RPLP1: variants seen among roughly 807,000 people sequenced by gnomAD.
RPLP1 encodes ribosomal protein lateral stalk subunit P1.
Under a neutral mutation model 11.6 loss-of-function variants are expected in RPLP1, and 4 were observed. That is an observed-to-expected ratio of 0.34 (90% CI 0.17 to 0.79). RPLP1 has a LOEUF of 0.79. Among genes scored for constraint, RPLP1 ranks in the 30% least tolerant of loss-of-function variants. The pLI is 0.55. For missense variants in RPLP1, 133 were observed against 142.8 expected (o/e 0.93, Z 0.35); for synonymous variants, 54 against 52.2 (o/e 1.03, Z -0.15).
At chr15:69,453,126 G>T (rs1892376327) in intron 1 of RPLP1, 106 bp downstream of exon 1, 2 of 1,092,742 alleles carry the variant, frequency 1.8e-6, no homozygotes, top group African/African-American at 3.1e-5. Flanking sequence ...TTCCGGCCGG[G>T]GCCAGGCCGC....
At position 69,455,452 on chromosome 15, in the gene RPLP1, A is replaced by G. The variant is rs201272949; in HGVS notation, c.290A>G (p.Lys97Arg). ...GCTGAGGAGAAGAAAGTGGAAGCAA[A>G]GAAAGAAGAATCCGAGGAGTCTGAT... ...APAEEKKVEAKKEESEESDDD... is the reference protein window; with the variant it reads ...APAEEKKVEARKEESEESDDD... The change falls in exon 4 of 4, where the codon AAG becomes AGG. Residue 97 changes from lysine to arginine, a missense_variant. Physicochemically the swap from Lys to Arg is conservative, Grantham distance 26. Coordinates refer to ENST00000260379, the MANE Select transcript of RPLP1 (RefSeq NM_001003.3). 6.2e-6 allele frequency: 10 copies of G among 1,611,972 alleles called. No individual in the cohort carries two copies. The highest frequency in any genetic ancestry group is 7.6e-6 in the Non-Finnish European group (9 of 1,179,718).
In RPLP1 at chr15:69,452,990, C is replaced by T. The variant is rs1251540738; in HGVS notation, c.42C>T (p.Leu14=). 5 of 1,577,246 alleles carry T rather than the reference C, an allele frequency of 3.2e-6. No homozygotes were observed. Among genetic ancestry groups the T allele is most frequent in the Non-Finnish European group, 4.3e-6 (5 of 1,163,738 alleles). ...VSELACIYSA[L]ILHDDEVTVT... is the part of the protein sequence containing the mutation. The stretch of plus-strand genomic sequence containing the variant: ...AGCTCGCCTGCATCTACTCGGCCCT[C>T]ATTCTGCACGACGATGAGGTGACAG... The change falls in exon 1 of 4, where the codon CTC becomes CTT. Residue 14 remains leucine, a synonymous_variant. Coordinates refer to ENST00000260379, the MANE Select transcript of RPLP1 (RefSeq NM_001003.3).
chr15:69,455,003 C>T, intron 2 of RPLP1, 167 bp from the exon 3 acceptor site: 3 of 945,578 alleles, frequency 3.2e-6, no homozygotes, highest in Non-Finnish European at 4.5e-6. Flanking sequence ...GTTTGGTACA[C>T]ATGCTTATTT....
rs1220925767 is a variant in RPLP1, at chr15:69,456,175, A to G, written c.*668A>G. 1 of 152,230 alleles carries G rather than the reference A, an allele frequency of 6.6e-6. No homozygotes were observed. The highest frequency in any genetic ancestry group is 2.4e-5 in the African/African-American group (1 of 41,456). The allele number at this position is 152,230 out of a possible 1,614,324, so 9.4% of individuals were successfully genotyped here. A position where few individuals can be genotyped will look rare whatever the true frequency, so the allele number is the denominator to read the frequency against. On this transcript the variant is annotated 3_prime_UTR_variant, in exon 4 of 4. Coordinates refer to ENST00000260379, the MANE Select transcript of RPLP1 (RefSeq NM_001003.3). ...TTTCAGGCTTGGATTTATATAATAA[A>G]CCGTGGGTATTGTGTGTTCAGAGCA...
In RPLP1 at chr15:69,455,250, A is replaced by G; in HGVS notation, c.228A>G (p.Pro76=). 6.2e-7 allele frequency: 1 copy of G among 1,600,794 alleles called. No homozygotes were observed. The highest frequency in any genetic ancestry group is 8.5e-7 in the Non-Finnish European group (1 of 1,173,138). The stretch of plus-strand genomic sequence containing the variant: ...CTGCTCCAGCAGCTGGTGCTGCACC[A>G]GCAGGAGGTCCTGCCCCCTCCACTG... The part of the protein sequence containing the change: ...GGPAPAAGAA[P]AGGPAPSTAA... Residue 76 remains proline (P), a synonymous_variant, in exon 3 of 4, where the codon CCA becomes CCG. Coordinates refer to ENST00000260379, the MANE Select transcript of RPLP1 (RefSeq NM_001003.3).
chr15:69,455,839 C>G lies in RPLP1; in HGVS notation c.*332C>G. 1 of 235,316 alleles carries G rather than the reference C, an allele frequency of 4.2e-6. No homozygotes were observed. The highest frequency in any genetic ancestry group is 8.3e-6 in the Non-Finnish European group (1 of 119,918). The allele number at this position is 235,316 out of a possible 1,614,324, so 14.6% of individuals were successfully genotyped here. A position where few individuals can be genotyped will look rare whatever the true frequency, so the allele number is the denominator to read the frequency against. ...CCTACACTGGGGGTGGAGGGTAATA[C>G]AGACCAGCTTTAGAAAGCCTCCTGG... On this transcript the variant is annotated 3_prime_UTR_variant, in exon 4 of 4. Coordinates refer to ENST00000260379, the MANE Select transcript of RPLP1 (RefSeq NM_001003.3).
chr15:69,453,198 G>A, intron 1 of RPLP1, 178 bp downstream of exon 1: 1 of 628,418 alleles, frequency 1.6e-6, no homozygotes, highest in Non-Finnish European at 2.7e-6. Context: ...GGCAGGTCCT[G>A]GGCCCCCGGG....
Position 69,453,039 on chromosome 15 carries a change from C to G in RPLP1, c.72+19C>G, listed in dbSNP as rs778709047. The G allele has an allele frequency of 3.2e-6, 5 of 1,551,122 alleles. No individual in the cohort carries two copies. The highest frequency in any genetic ancestry group is 3.5e-6 in the Non-Finnish European group (4 of 1,148,620). On this transcript the variant is annotated intron_variant, in intron 1 of 3. Coordinates refer to ENST00000260379, the MANE Select transcript of RPLP1 (RefSeq NM_001003.3). ...AGTCACGGTGAGTGCGGGCGCGGGC[C>G]GGCGGCCGGGCTGCCTGTGGGCGGT...
At position 69,455,597 on chromosome 15, in the gene RPLP1, TG is replaced by T; in HGVS notation, c.*91del. The T allele has an allele frequency of 1.1e-6, 1 of 941,414 alleles. No individual in the cohort carries two copies. Among genetic ancestry groups the T allele is most frequent in the Non-Finnish European group, 1.6e-6 (1 of 631,102 alleles). 58.3% of individuals were successfully genotyped at this position (941,414 alleles called of 1,614,324 possible). Reference sequence around the variant, plus strand: ...TGGAATGTGCTCTGCAAAAATGGTCTGTTTTGTAATGTTGGCTTTCAGCCTA... The same window carrying T: ...TGGAATGTGCTCTGCAAAAATGGTCTTTTTGTAATGTTGGCTTTCAGCCTA... On this transcript the variant is annotated 3_prime_UTR_variant, in exon 4 of 4. Coordinates refer to ENST00000260379, the MANE Select transcript of RPLP1 (RefSeq NM_001003.3).
At chr15:69,453,997 ATAGG>A in intron 2 of RPLP1, 3 of 525,200 alleles carry the variant, frequency 5.7e-6, no homozygotes, top group Admixed American at 6.9e-5. Context: ...CACTCGGGAG[ATAGG>A]TACTACGCAT....
At chr15:69,453,904 C>T in intron 2 of RPLP1, 183 bp downstream of exon 2, 1 of 600,924 alleles carries the variant, frequency 1.7e-6, no homozygotes, top group Non-Finnish European at 3.0e-6. Flanking sequence ...TCTTACGTTT[C>T]CTTATCAGAC....
At chr15:69,455,136 T>C in intron 2 of RPLP1, 34 bp from the exon 3 acceptor site, 1 of 1,531,142 alleles carries the variant, frequency 6.5e-7, no homozygotes, top group Non-Finnish European at 8.7e-7. Context: ...AGGACAGAAC[T>C]GGGCGTTTAC....
intron 1 of RPLP1, chr15:69,453,271 C>CTTCG: frequency 1.7e-6 from 1 of 582,126 alleles, no homozygotes; most frequent in Non-Finnish European, 3.0e-6. Flanking sequence ...CTCCAAGAGC[C>CTTCG]TTCGTGTAGA....
At chr15:69,455,127 G>T in intron 2 of RPLP1, 43 bp from the exon 3 acceptor site, 2 of 1,521,710 alleles carry the variant, frequency 1.3e-6, no homozygotes, top group South Asian at 1.3e-5. Context: ...TGCTTAACAA[G>T]GACAGAACTG....
At chr15:69,454,084 A>AGT in intron 2 of RPLP1, 1 of 249,004 alleles carries the variant, frequency 4.0e-6, no homozygotes, top group South Asian at 4.2e-5. Context: ...GCTGGAGTGC[A>AGT]GTGGTGCGAT....
Position 69,453,080 on chromosome 15 carries a change from A to G in RPLP1, c.72+60A>G, listed in dbSNP as rs1412716037. ...TGTGGGCGGTGACTTTCGGCTCTCC[A>G]TGCGGTTCCCGGCTCCAGGCCGTTC... On this transcript the variant is annotated intron_variant, in intron 1 of 3. Coordinates refer to ENST00000260379, the MANE Select transcript of RPLP1 (RefSeq NM_001003.3). 4.8e-6 allele frequency: 7 copies of G among 1,449,074 alleles called. No individual in the cohort carries two copies. The East Asian group carries it at 9.9e-5, about 20-fold the overall frequency. The allele number at this position is 1,449,074 out of a possible 1,614,324, so 89.8% of individuals were successfully genotyped here.
At position 69,452,828 on chromosome 15, in the gene RPLP1, C is replaced by T; in HGVS notation, c.-121C>T. The T allele has an allele frequency of 1.1e-6, 1 of 910,956 alleles. No homozygotes were observed. The highest frequency in any genetic ancestry group is 1.5e-5 in the South Asian group (1 of 68,452). 56.4% of individuals were successfully genotyped at this position (910,956 alleles called of 1,614,324 possible). A position where few individuals can be genotyped will look rare whatever the true frequency, so the allele number is the denominator to read the frequency against. ...GTATAGGCGCGAGAGCCCCTTTCCTCAGCTGCCGCCAAGGTGCTCGGTCCT... is the reference window on the plus strand; with the variant it reads ...GTATAGGCGCGAGAGCCCCTTTCCTTAGCTGCCGCCAAGGTGCTCGGTCCT... On this transcript the variant is annotated 5_prime_UTR_variant, in exon 1 of 4. Coordinates refer to ENST00000260379, the MANE Select transcript of RPLP1 (RefSeq NM_001003.3).
intron 3 of RPLP1, 55 bp from the exon 4 acceptor site, chr15:69,455,362 CCATTAATTTTT>C (rs1892420122): frequency 6.5e-7 from 1 of 1,544,700 alleles, no homozygotes; most frequent in East Asian, 2.3e-5. Flanking sequence ...GACAAAATTG[CCATTAATTTTT>C]CACAAGTATA....
chr15:69,453,325 C>T, intron 1 of RPLP1: 1 of 574,652 alleles, frequency 1.7e-6, no homozygotes. Flanking sequence ...CGTGCCTCGT[C>T]TCTCTCAGGG....
Sources: allele counts gnomAD v4.1 joint callset, GRCh38; gene constraint gnomAD v4.1.1; transcripts MANE v1.5; gene names NCBI Gene and HGNC (gene_info 2026-07-23, HGNC 2026-07-21).